SDR42E2: variants seen among roughly 807,000 people sequenced by gnomAD.
SDR42E2 encodes the protein short chain dehydrogenase/reductase family 42E, member 2.
Under a neutral mutation model 10.5 loss-of-function variants are expected in SDR42E2, and 20 were observed. The observed-to-expected ratio is 1.90, with a 90% CI of 1.34 to 2.77. SDR42E2 has a LOEUF of 2.77. Ranked by LOEUF, SDR42E2 falls within the 30% of genes most tolerant of loss-of-function variation. SDR42E2 has a pLI of 0.00. For missense variants in SDR42E2, 162 were observed against 104.2 expected (o/e 1.55, Z -2.42); for synonymous variants, 72 against 39.2 (o/e 1.84, Z -3.12).
rs976095338 is a variant in SDR42E2 at position 22,166,238 on chromosome 16, C to T, written c.56-12C>T. The T allele has an allele frequency of 2.5e-6, 1 of 403,424 alleles. No individual in the cohort carries two copies. The highest frequency in any genetic ancestry group is 4.4e-6 in the Non-Finnish European group (1 of 227,910). 25.0% of individuals were successfully genotyped at this position (403,424 alleles called of 1,614,324 possible). A position where few individuals can be genotyped will look rare whatever the true frequency, so the allele number is the denominator to read the frequency against. On this transcript the variant is annotated splice_polypyrimidine_tract_variant and intron_variant, in intron 2 of 12. Coordinates refer to ENST00000602312, the MANE Select transcript of SDR42E2 (RefSeq NM_001394319.2). ...CCCAGACCCAGTGAGTCAACAACAA[C>T]CCCAACACCAGCGCCGCAGCAGAAG...
intron 8 of SDR42E2, among the ~76,000 whole-genome samples, chr16:22,180,559 C>G (rs2046684010): frequency 6.6e-6 from 1 of 151,698 alleles, no homozygotes; most frequent in Non-Finnish European, 1.5e-5. Flanking sequence ...AAAAAGTATC[C>G]AGGTGTGGTG....
Position 22,184,201 on chromosome 16 carries a change from C to T in SDR42E2, c.897C>T (p.Ser299=). The change falls in exon 11 of 13, where the codon AGC becomes AGT. Residue 299 remains serine, a synonymous_variant. Transcript: ENST00000602312. The part of the protein sequence containing the change: ...MAPLFEKLGY[S]QPWIQVPTSW... ...TGCAGTTTGAGAAGCTGGGGTACAG[C>T]CAGCCCTGGATCCAGGTGCCTACTT... 2.5e-6 allele frequency: 1 copy of T among 401,442 alleles called. No homozygotes were observed. Among genetic ancestry groups the T allele is most frequent in the Non-Finnish European group, 4.4e-6 (1 of 226,340 alleles). 24.9% of individuals were successfully genotyped at this position (401,442 alleles called of 1,614,324 possible).
chr16:22,166,919 G>A lies in SDR42E2; in HGVS notation c.256G>A (p.Glu86Lys), dbSNP rs1012064305. 5.9e-6 allele frequency: 4 copies of A among 680,008 alleles called. No individual in the cohort carries two copies. Among genetic ancestry groups the A allele is most frequent in the Non-Finnish European group, 1.1e-5 (4 of 368,366 alleles). 42.1% of individuals were successfully genotyped at this position (680,008 alleles called of 1,614,324 possible). A position where few individuals can be genotyped will look rare whatever the true frequency, so the allele number is the denominator to read the frequency against. The stretch of plus-strand genomic sequence containing the variant: ...TCTGGTGCAGGCTGATGTCCGAGAT[G>A]AAGAAGCCCTGTACCGTGCCTTCGA... Reference protein sequence around the residue: ...TKFIQADVRDEEALYRAFEGV... With the variant: ...TKFIQADVRDKEALYRAFEGV... Residue 86 changes from glutamate to lysine, a missense_variant, in exon 4 of 13, where the codon GAA becomes AAA. Glu to Lys is a moderately conservative substitution (Grantham distance 56, BLOSUM62 1). Coordinates refer to ENST00000602312, the MANE Select transcript of SDR42E2 (RefSeq NM_001394319.2).
intron 1 of SDR42E2, among the ~76,000 whole-genome samples, chr16:22,163,163 C>T (rs2046510160): frequency 6.6e-6 from 1 of 152,186 alleles, no homozygotes; most frequent in Non-Finnish European, 1.5e-5. Context: ...TACTAAGGTA[C>T]AGTGAGGTTT....
intron 12 of SDR42E2, among the ~76,000 whole-genome samples, chr16:22,189,337 CAGAGAAGAAATT>C (rs1567247108): frequency 6.6e-6 from 1 of 152,114 alleles, no homozygotes; most frequent in Non-Finnish European, 1.5e-5. Flanking sequence ...GCCAGCACAG[CAGAGAAGAAATT>C]AGGCTAGAAC....
intron 4 of SDR42E2, among the ~76,000 whole-genome samples, chr16:22,168,533 T>G (rs775727437): frequency 6.6e-6 from 1 of 151,852 alleles, no homozygotes; most frequent in Non-Finnish European, 1.5e-5. Context: ...CCCAAAGTGC[T>G]GGGATTACAG....
intron 11 of SDR42E2, among the ~76,000 whole-genome samples, chr16:22,186,146 A>G (rs1353107229): frequency 1.3e-5 from 2 of 152,128 alleles, no homozygotes; most frequent in African/African-American, 4.8e-5. Context: ...TAGAAGTGAG[A>G]GAGAGATTAT....
chr16:22,175,855 T>C (rs886317214), intron 7 of SDR42E2, among the ~76,000 whole-genome samples: 14 of 151,766 alleles, frequency 9.2e-5, no homozygotes, highest in African/African-American at 2.9e-4. Context: ...TAGTGGGGCG[T>C]GGTGGCAGGT....
intron 11 of SDR42E2, among the ~76,000 whole-genome samples, chr16:22,184,973 G>A (rs1158192359): frequency 6.6e-6 from 1 of 152,098 alleles, no homozygotes; most frequent in African/African-American, 2.4e-5. Flanking sequence ...TGCCAGTCAG[G>A]AGGAGAGAGA....
chr16:22,177,112 C>T (rs556354355), intron 7 of SDR42E2, among the ~76,000 whole-genome samples: 1 of 152,188 alleles, frequency 6.6e-6, no homozygotes, highest in Non-Finnish European at 1.5e-5. Context: ...CTCAGCTCCA[C>T]TGCGCTGATC....
In SDR42E2 at chr16:22,184,519, T is replaced by C. The variant is rs181002955; in HGVS notation, c.940+275T>C. 5.3e-4 allele frequency among the ~76,000 whole-genome samples: 80 copies of C among 152,254 alleles called. No homozygotes were observed. In the East Asian group the frequency reaches 0.012, roughly 23 times the overall value. ...TGGGAGGCTGAGGCAGGAGAATTGC[T>C]GTAACCCAGGAGGCAGAGGTTGCAG... On this transcript the variant is annotated intron_variant, in intron 11 of 12. Coordinates refer to ENST00000602312, the MANE Select transcript of SDR42E2 (RefSeq NM_001394319.2).
chr16:22,184,034 TG>T (rs2046717929), intron 10 of SDR42E2, 146 bp from the exon 11 acceptor site: 5 of 391,752 alleles, frequency 1.3e-5, no homozygotes, highest in African/African-American at 8.3e-5. Flanking sequence ...GGCACAGGCC[TG>T]GGGTTGGCTG....
At position 22,172,297 on chromosome 16, in the gene SDR42E2, A is replaced by G. The variant is rs1387617077; in HGVS notation, c.555A>G (p.Gln185=). 7.1e-6 allele frequency: 5 copies of G among 703,106 alleles called. No homozygotes were observed. The highest frequency in any genetic ancestry group is 3.0e-5 in the South Asian group (2 of 67,600). 43.6% of individuals were successfully genotyped at this position (703,106 alleles called of 1,614,324 possible). A position where few individuals can be genotyped will look rare whatever the true frequency, so the allele number is the denominator to read the frequency against. ...CCCGAACCAAAGCCATCGCCGACCA[A>G]TTGACCCTCATGGCCAATGGGATGC... ...HYSRTKAIAD[Q]LTLMANGMPL... is the part of the protein sequence containing the mutation. Residue 185 remains glutamine, a synonymous_variant, in exon 7 of 13, where the codon CAA becomes CAG. Transcript: ENST00000602312.
At chr16:22,182,912 G>A (rs1291359528) in intron 10 of SDR42E2, among the ~76,000 whole-genome samples, 1 of 152,054 alleles carries the variant, frequency 6.6e-6, no homozygotes, top group Non-Finnish European at 1.5e-5. Flanking sequence ...AGCTGAGGCG[G>A]GAGGATCTCT....
rs1034045854 is a variant in SDR42E2 at position 22,170,922 on chromosome 16, G to T, written c.484G>T (p.Asp162Tyr). The change falls in exon 6 of 13, where the codon GAC (aspartate) becomes TAC (tyrosine). Residue 162 changes from aspartate to tyrosine, a missense_variant. By Grantham distance (160) the Asp-to-Tyr change is radical. Transcript: ENST00000602312. The stretch of plus-strand genomic sequence containing the variant: ...GAAGCCCATAGAGCAGGGCGATGAG[G>T]ACTCTGTGCCATATTTCCCATTGGA... ...GGKPIEQGDE[D>Y]SVPYFPLDEH... 1.4e-6 allele frequency: 1 copy of T among 702,914 alleles called. No individual in the cohort carries two copies. The highest frequency in any genetic ancestry group is 1.7e-5 in the African/African-American group (1 of 57,254). The allele number at this position is 702,914 out of a possible 1,614,324, so 43.5% of individuals were successfully genotyped here. A position where few individuals can be genotyped will look rare whatever the true frequency, so the allele number is the denominator to read the frequency against.
rs146819036 is a variant in SDR42E2, at chr16:22,174,720, T to C, written c.589+2389T>C. Among the ~76,000 whole-genome samples the C allele has an allele frequency of 1.8e-3, 272 of 152,140 alleles. 2 individuals carry two copies. The highest frequency in any genetic ancestry group is 5.5e-3 in the African/African-American group (227 of 41,492). On this transcript the variant is annotated intron_variant, in intron 7 of 12. Coordinates refer to ENST00000602312, the MANE Select transcript of SDR42E2 (RefSeq NM_001394319.2). The stretch of plus-strand genomic sequence containing the variant: ...AGTAGCCTGTACTCTAGACACCTAA[T>C]CCTCCAGCCAAGAATTATTTATATG...
intron 6 of SDR42E2, among the ~76,000 whole-genome samples, chr16:22,171,246 T>A (rs977779218): frequency 6.6e-6 from 1 of 152,142 alleles, no homozygotes; most frequent in Non-Finnish European, 1.5e-5. Flanking sequence ...TCTTTTCTTT[T>A]CTTTTGTTTT....
At chr16:22,188,408 T>C (rs2046749900) in intron 12 of SDR42E2, among the ~76,000 whole-genome samples, 1 of 152,178 alleles carries the variant, frequency 6.6e-6, no homozygotes, top group Admixed American at 6.5e-5. Flanking sequence ...ATCTCTTGAG[T>C]TGTGACAGTA....
rs1219296279 is a variant in SDR42E2 at position 22,181,635 on chromosome 16, C to G, written c.789C>G (p.Thr263=). Reference sequence around the variant, plus strand: ...ACGTGCTGGCGGCCGAGGCCCTCACCACGGCCAAGGGCTACGTGGCTGTGA... The same window carrying G: ...ACGTGCTGGCGGCCGAGGCCCTCACGACGGCCAAGGGCTACGTGGCTGTGA... ...QAHVLAAEAL[T]TAKGYVASGQ... Residue 263 remains threonine (T), a synonymous_variant, in exon 9 of 13, where the codon ACC becomes ACG. Transcript: ENST00000602312. 2 of 702,988 alleles carry G rather than the reference C, an allele frequency of 2.8e-6. No homozygotes were observed. The highest frequency in any genetic ancestry group is 5.4e-5 in the East Asian group (2 of 37,296). 43.5% of individuals were successfully genotyped at this position (702,988 alleles called of 1,614,324 possible). A position where few individuals can be genotyped will look rare whatever the true frequency, so the allele number is the denominator to read the frequency against.
Sources: allele counts gnomAD v4.1 joint callset (sites outside exome capture counted in the v4.1 genomes callset), GRCh38; gene constraint gnomAD v4.1.1; transcripts MANE v1.5; gene names NCBI Gene and HGNC (gene_info 2026-07-23, HGNC 2026-07-21).